NKIRAS1: variants seen among roughly 807,000 people sequenced by gnomAD.
NKIRAS1 encodes NF-kappa-B inhibitor-interacting Ras-like protein 1.
A neutral mutation model predicts 19.8 loss-of-function variants in NKIRAS1; 16 were observed. The observed-to-expected ratio is 0.81, with a 90% CI of 0.55 to 1.23. The LOEUF (loss-of-function observed/expected upper bound fraction) is 1.23, where lower values mean the gene tolerates loss of function less well. Among genes scored for constraint, NKIRAS1 ranks in the 50% most tolerant of loss-of-function variants. NKIRAS1 has a pLI of 0.00. For missense variants in NKIRAS1, 184 were observed against 220.0 expected (o/e 0.84, Z 1.04); for synonymous variants, 88 against 79.0 (o/e 1.11, Z -0.61).
intron 3 of NKIRAS1, among the ~76,000 whole-genome samples, chr3:23,903,804 A>G (rs894507874): frequency 1.1e-4 from 17 of 152,184 alleles, no homozygotes; most frequent in African/African-American, 4.1e-4. Context: ...CAATAACAAA[A>G]TAATTCAAAA....
chr3:23,910,765 GAT>G, intron 3 of NKIRAS1, 44 bp downstream of exon 3: 2 of 1,433,446 alleles, frequency 1.4e-6, no homozygotes, highest in Admixed American at 3.4e-5. Context: ...AAAGACCCCT[GAT>G]AGCTCCCAGA....
chr3:23,913,772 T>C (rs1013324622), intron 1 of NKIRAS1, among the ~76,000 whole-genome samples: 2 of 152,214 alleles, frequency 1.3e-5, no homozygotes, highest in African/African-American at 2.4e-5. Flanking sequence ...GTACCCTGAA[T>C]GGGCACTGAA....
At chr3:23,946,445 C>A in exon 1 of NKIRAS1, 1 of 285,160 alleles carries the variant, frequency 3.5e-6, no homozygotes, top group Non-Finnish European at 5.3e-6. Flanking sequence ...GTGCTTCGAT[C>A]CCGAGCGACT....
chr3:23,934,282 C>A (rs1341891892), intron 1 of NKIRAS1, among the ~76,000 whole-genome samples: 1 of 152,148 alleles, frequency 6.6e-6, no homozygotes, highest in Non-Finnish European at 1.5e-5. Flanking sequence ...TTCCTCACCC[C>A]CAAACAAACC....
At chr3:23,908,578 T>C (rs1703307789) in intron 3 of NKIRAS1, among the ~76,000 whole-genome samples, 1 of 152,168 alleles carries the variant, frequency 6.6e-6, no homozygotes, top group South Asian at 2.1e-4. Context: ...CACCTTTCTA[T>C]TTTGAAAATA....
rs937664878 is a variant in NKIRAS1 at position 23,890,424 on chromosome 3, C to T, written c.*2671G>A. 17 of 1,272,842 alleles carry T rather than the reference C, an allele frequency of 1.3e-5. No homozygotes were observed. Among genetic ancestry groups the T allele is most frequent in the Middle Eastern group, 3.8e-4 (2 of 5,222 alleles). 78.8% of individuals were successfully genotyped at this position (1,272,842 alleles called of 1,614,324 possible). A position where few individuals can be genotyped will look rare whatever the true frequency, so the allele number is the denominator to read the frequency against. On this transcript the variant is annotated 3_prime_UTR_variant, in exon 5 of 5. Coordinates refer to ENST00000425478, the MANE Select transcript of NKIRAS1 (RefSeq NM_020345.4). ...GTTTGATCACACATACTTTGTCGTA[C>T]GTATCTACCCAAGCTGTCACTATTC...
At chr3:23,903,356 C>A (rs949447255) in intron 3 of NKIRAS1, among the ~76,000 whole-genome samples, 1 of 152,172 alleles carries the variant, frequency 6.6e-6, no homozygotes, top group African/African-American at 2.4e-5. Flanking sequence ...CTCAAGCAAT[C>A]TGCCTGCTTC....
rs1347914390 is a variant in NKIRAS1 at position 23,892,092 on chromosome 3, A to G, written c.*1003T>C. ...ATGTTACAAATTACTTGATGTTTTA[A>G]TATGTTCTTTGTTGAATAGCTTATT... On this transcript the variant is annotated 3_prime_UTR_variant, in exon 5 of 5. Transcript: ENST00000425478. 1 of 152,236 alleles carries G rather than the reference A, an allele frequency of 6.6e-6. No individual in the cohort carries two copies. The highest frequency in any genetic ancestry group is 1.9e-4 in the East Asian group (1 of 5,208). 9.4% of individuals were successfully genotyped at this position (152,236 alleles called of 1,614,324 possible).
chr3:23,935,626 A>T (rs1705379317), intron 1 of NKIRAS1, among the ~76,000 whole-genome samples: 1 of 152,174 alleles, frequency 6.6e-6, no homozygotes, highest in African/African-American at 2.4e-5. Flanking sequence ...GGTCTCGCTA[A>T]TGTTACCCAG....
In NKIRAS1 at chr3:23,891,083, T is replaced by C. The variant is rs1034927021; in HGVS notation, c.*2012A>G. 1 of 152,892 alleles carries C rather than the reference T, an allele frequency of 6.5e-6. No individual in the cohort carries two copies. Among genetic ancestry groups the C allele is most frequent in the Non-Finnish European group, 1.5e-5 (1 of 68,240 alleles). The allele number at this position is 152,892 out of a possible 1,614,324, so 9.5% of individuals were successfully genotyped here. A position where few individuals can be genotyped will look rare whatever the true frequency, so the allele number is the denominator to read the frequency against. On this transcript the variant is annotated 3_prime_UTR_variant, in exon 5 of 5. Coordinates refer to ENST00000425478, the MANE Select transcript of NKIRAS1 (RefSeq NM_020345.4). ...TATATATAAAATGGACACGTGGCTA[T>C]AAAACACCATATAAGAGATGAGTAG...
chr3:23,917,986 A>G, upstream of NKIRAS1: 1 of 1,612,234 alleles, frequency 6.2e-7, no homozygotes, highest in Non-Finnish European at 8.5e-7. Context: ...TCCCCGCCCC[A>G]CCCGGCCTGA....
intron 3 of NKIRAS1, among the ~76,000 whole-genome samples, chr3:23,904,801 A>G (rs1253483103): frequency 1.3e-5 from 2 of 152,342 alleles, no homozygotes; most frequent in Admixed American, 1.3e-4. Context: ...AGATATGTAT[A>G]CCAGAATTTA....
At chr3:23,917,756 T>A, upstream of NKIRAS1, 3 of 1,281,254 alleles carry the variant, frequency 2.3e-6, no homozygotes, top group Admixed American at 7.3e-5. Flanking sequence ...TCCCGGCGGT[T>A]TCCTTGTTTT....
At chr3:23,920,329 G>A (rs535298390), upstream of NKIRAS1, 5 of 985,570 alleles carry the variant, frequency 5.1e-6, no homozygotes, top group South Asian at 2.3e-4. Context: ...AACATCTTGG[G>A]TTACCCACTC....
Position 23,890,903 on chromosome 3 carries a change from A to C in NKIRAS1, c.*2192T>G, listed in dbSNP as rs572464272. ...CAGTTGCTTGTAGTCTGTAAATTTA[A>C]AACAGCTTAATTTGGTACAGGTTAC... On this transcript the variant is annotated 3_prime_UTR_variant, in exon 5 of 5. Coordinates refer to ENST00000425478, the MANE Select transcript of NKIRAS1 (RefSeq NM_020345.4). The C allele has an allele frequency of 4.5e-6, 1 of 220,742 alleles. No individual in the cohort carries two copies. Among genetic ancestry groups the C allele is most frequent in the South Asian group, 1.4e-4 (1 of 7,128 alleles). 13.7% of individuals were successfully genotyped at this position (220,742 alleles called of 1,614,324 possible).
At chr3:23,942,509 G>T (rs1450726746) in intron 1 of NKIRAS1, among the ~76,000 whole-genome samples, 1 of 152,036 alleles carries the variant, frequency 6.6e-6, no homozygotes, top group Non-Finnish European at 1.5e-5. Context: ...TCGGCTCACC[G>T]CAACCTCCGC....
At chr3:23,913,485 C>T (rs916627254) in intron 1 of NKIRAS1, among the ~76,000 whole-genome samples, 2 of 152,236 alleles carry the variant, frequency 1.3e-5, no homozygotes, top group Non-Finnish European at 2.9e-5. Flanking sequence ...CAGATGAGTG[C>T]CTTGCTACCA....
At chr3:23,916,741 CAG>C (rs1704554444) in intron 1 of NKIRAS1, 41 bp downstream of exon 1, 3 of 152,854 alleles carry the variant, frequency 2.0e-5, no homozygotes, top group Admixed American at 2.0e-4. Flanking sequence ...CGCGGAGACG[CAG>C]AGACTCCGCA....
At position 23,892,020 on chromosome 3, in the gene NKIRAS1, TGTA is replaced by T. The variant is rs1439115475; in HGVS notation, c.*1072_*1074del. 2 of 152,242 alleles carry T rather than the reference TGTA, an allele frequency of 1.3e-5. No individual in the cohort carries two copies. Among genetic ancestry groups the T allele is most frequent in the African/African-American group, 4.8e-5 (2 of 41,466 alleles). The allele number at this position is 152,242 out of a possible 1,614,324, so 9.4% of individuals were successfully genotyped here. ...TGATTTGTAAGTATCGTCTTTTATA[TGTA>T]GTAGTTCTTCACTAGAGCTCATGAA... On this transcript the variant is annotated 3_prime_UTR_variant, in exon 5 of 5. Coordinates refer to ENST00000425478, the MANE Select transcript of NKIRAS1 (RefSeq NM_020345.4).
Sources: gnomAD v4.1 joint callset for allele counts (sites outside exome capture counted in the v4.1 genomes callset) on GRCh38, gnomAD v4.1.1 for gene constraint, MANE v1.5 for transcripts, NCBI Gene and HGNC (gene_info 2026-07-23, HGNC 2026-07-21) for gene names.